The following DLGAP1 variants were observed in gnomAD, a reference collection of about 807,000 sequenced individuals.
DLGAP1 encodes the protein DLG associated protein 1, also known as disks large-associated protein 1.
In DLGAP1, 11 loss-of-function variants were observed where a neutral mutation model predicts 90.8. The ratio of observed to expected loss-of-function variants is 0.12; its 90% CI spans 0.08 to 0.20. DLGAP1 has a LOEUF of 0.20. Among genes scored for constraint, DLGAP1 ranks in the 10% least tolerant of loss-of-function variants. DLGAP1 has a pLI of 1.00. For synonymous variants in DLGAP1, 558 were observed against 540.7 expected, an observed-to-expected ratio of 1.03 and a Z score of -0.44; for missense variants, 1,050 against 1,333.8, an observed-to-expected ratio of 0.79 and a Z score of 3.31.
intron 5 of DLGAP1, among the ~76,000 whole-genome samples, chr18:3,787,198 G>T (rs1432358534): frequency 6.6e-6 from 1 of 152,056 alleles, no homozygotes; most frequent in Non-Finnish European, 1.5e-5. Context: ...AAGTAAATGA[G>T]AGGGGCCAGG....
At chr18:3,672,276 A>G (rs567115621) in intron 7 of DLGAP1, among the ~76,000 whole-genome samples, 1 of 151,612 alleles carries the variant, frequency 6.6e-6, no homozygotes, top group South Asian at 2.1e-4. Context: ...CTACTTATCT[A>G]TTTCTTGAAA....
chr18:3,785,738 G>A (rs1440088295), intron 5 of DLGAP1, among the ~76,000 whole-genome samples: 1 of 152,176 alleles, frequency 6.6e-6, no homozygotes, highest in African/African-American at 2.4e-5. Context: ...GGGATGGGAG[G>A]TGGAAGGCAA....
chr18:3,813,610 T>C (rs764362700), intron 5 of DLGAP1, among the ~76,000 whole-genome samples: 3 of 152,204 alleles, frequency 2.0e-5, no homozygotes, highest in African/African-American at 4.8e-5. Context: ...TCACACTCTA[T>C]AAGCTTCTCT....
chr18:4,033,740 CT>C (rs34275416), intron 2 of DLGAP1, among the ~76,000 whole-genome samples: 18,674 of 139,612 alleles, frequency 0.13, 923 homozygotes, highest in Middle Eastern at 0.19. Context: ...AGTTTAGCAA[CT>C]TTTTTTTTTT....
At chr18:3,656,888 A>G (rs1385403917) in intron 7 of DLGAP1, among the ~76,000 whole-genome samples, 1 of 151,976 alleles carries the variant, frequency 6.6e-6, no homozygotes, top group African/African-American at 2.4e-5. Flanking sequence ...CTGGGACTAC[A>G]GGCGCCCGCC....
intron 7 of DLGAP1, among the ~76,000 whole-genome samples, chr18:3,608,960 C>A (rs1291858887): frequency 6.6e-6 from 1 of 152,218 alleles, no homozygotes; most frequent in Non-Finnish European, 1.5e-5. Flanking sequence ...CTCAGCCTCC[C>A]AAGTAGCTGG....
chr18:3,606,398 T>C (rs2057327911), intron 7 of DLGAP1, among the ~76,000 whole-genome samples: 2 of 152,198 alleles, frequency 1.3e-5, no homozygotes, highest in South Asian at 4.1e-4. Flanking sequence ...TGGGCTTAGA[T>C]AACCAGTTGT....
At chr18:4,186,308 T>C (rs1437737032) in intron 1 of DLGAP1, among the ~76,000 whole-genome samples, 1 of 152,208 alleles carries the variant, frequency 6.6e-6, no homozygotes, top group Non-Finnish European at 1.5e-5. Context: ...AACTTCTGCT[T>C]TTGTTGAGAT....
chr18:3,742,949 T>TCTTCCTTC (rs143048862), intron 5 of DLGAP1, among the ~76,000 whole-genome samples: 13,059 of 142,640 alleles, frequency 0.092, 765 homozygotes, highest in East Asian at 0.16. Context: ...TATCAATTTA[T>TCTTCCTTC]CTTCCTTCCT....
intron 7 of DLGAP1, among the ~76,000 whole-genome samples, chr18:3,630,089 ATAT>A (rs1367720826): frequency 2.6e-5 from 4 of 152,180 alleles, no homozygotes; most frequent in African/African-American, 7.2e-5. Context: ...ATTTGGCCAA[ATAT>A]TATTCTGTGT....
rs1217408937 is a variant in DLGAP1, at chr18:4,393,451, A to G, written c.-267+61555T>C. On this transcript the variant is annotated intron_variant, in intron 1 of 12. Transcript: ENST00000315677. Reference sequence around the variant, plus strand: ...ATGGACTCTACCTCTAATTTTTCAGATGGTTGATTCTTTGTCACATTTGGG... The same window carrying G: ...ATGGACTCTACCTCTAATTTTTCAGGTGGTTGATTCTTTGTCACATTTGGG... 2.0e-5 allele frequency among the ~76,000 whole-genome samples: 3 copies of G among 152,056 alleles called. No individual in the cohort carries two copies. In the East Asian group the frequency reaches 5.8e-4, roughly 29 times the overall value.
At chr18:3,903,877 T>G (rs1277139511) in intron 3 of DLGAP1, among the ~76,000 whole-genome samples, 6 of 152,230 alleles carry the variant, frequency 3.9e-5, no homozygotes, top group Non-Finnish European at 7.3e-5. Context: ...GCAGCAATGT[T>G]AGTAACATTA....
intron 7 of DLGAP1, among the ~76,000 whole-genome samples, chr18:3,599,918 ATTT>A (rs775592401): frequency 4.2e-5 from 6 of 142,532 alleles, no homozygotes; most frequent in Non-Finnish European, 4.6e-5. Flanking sequence ...TTCCCAGCCA[ATTT>A]TTTTTTTTTT....
intron 1 of DLGAP1, among the ~76,000 whole-genome samples, chr18:4,236,292 T>C (rs1257322567): frequency 6.6e-6 from 1 of 152,204 alleles, no homozygotes; most frequent in African/African-American, 2.4e-5. Flanking sequence ...ATAATTGTAA[T>C]GATTATCAGT....
intron 5 of DLGAP1, among the ~76,000 whole-genome samples, chr18:3,784,839 C>A (rs1026326832): frequency 2.3e-4 from 35 of 152,216 alleles, no homozygotes; most frequent in African/African-American, 8.4e-4. Context: ...ATGCAGGTGA[C>A]AGGGCTCTGG....
At chr18:3,664,290 A>C (rs2059803598) in intron 7 of DLGAP1, among the ~76,000 whole-genome samples, 1 of 151,986 alleles carries the variant, frequency 6.6e-6, no homozygotes, top group Non-Finnish European at 1.5e-5. Context: ...TTCTAGCTGA[A>C]TGTGGAACAG....
At chr18:3,732,006 C>T (rs1366191669) in intron 6 of DLGAP1, among the ~76,000 whole-genome samples, 5 of 152,174 alleles carry the variant, frequency 3.3e-5, no homozygotes, top group Non-Finnish European at 7.3e-5. Flanking sequence ...CCCAAGCGTG[C>T]ATCCCTGGGC....
chr18:3,893,626 C>G (rs1012992352), intron 3 of DLGAP1, among the ~76,000 whole-genome samples: 1 of 145,570 alleles, frequency 6.9e-6, no homozygotes, highest in African/African-American at 2.6e-5. Flanking sequence ...ATAATAAGAA[C>G]AATTCAATCA....
intron 10 of DLGAP1, among the ~76,000 whole-genome samples, chr18:3,522,447 C>G (rs956640004): frequency 4.0e-5 from 6 of 151,174 alleles, no homozygotes; most frequent in Non-Finnish European, 8.8e-5. Flanking sequence ...TCCCACCTAG[C>G]TTTTTCCCCC....
Sources: allele counts gnomAD v4.1 joint callset (sites outside exome capture counted in the v4.1 genomes callset), GRCh38; gene constraint gnomAD v4.1.1; transcripts MANE v1.5; gene names NCBI Gene and HGNC (gene_info 2026-07-23, HGNC 2026-07-21).